Variants in SNX2 observed in about 807,000 individuals in gnomAD.
SNX2 encodes sorting nexin-2.
In SNX2, 25 loss-of-function variants were observed where a neutral mutation model predicts 69.9. The ratio of observed to expected loss-of-function variants is 0.36; its 90% CI spans 0.26 to 0.50. The LOEUF is 0.50. SNX2 is among the 20% of genes least tolerant of loss of function. The pLI is 0.97. For synonymous variants in SNX2, 229 were observed against 200.4 expected (o/e 1.14, Z -1.20); for missense variants, 551 against 613.3 (o/e 0.90, Z 1.07).
At chr5:122,806,142 G>GCGCACGCGCACACACACA in intron 6 of SNX2, among the ~76,000 whole-genome samples, 3,273 of 130,538 alleles carry the variant, frequency 0.025, 71 homozygotes, top group African/African-American at 0.051. Flanking sequence ...ACACGCGCGC[G>GCGCACGCGCACACACACA]CACACACACA....
At position 122,780,279 on chromosome 5, in the gene SNX2, C is replaced by T. The variant is rs565161840; in HGVS notation, c.108+5068C>T. 2.6e-5 allele frequency among the ~76,000 whole-genome samples: 4 copies of T among 152,140 alleles called. No homozygotes were observed. The East Asian group carries it at 5.8e-4, about 22-fold the overall frequency. On this transcript the variant is annotated intron_variant, in intron 1 of 14. Coordinates refer to ENST00000379516, the MANE Select transcript of SNX2 (RefSeq NM_003100.4). The stretch of plus-strand genomic sequence containing the variant: ...CAGAAGTCAATATAATAAATACAAT[C>T]GTGTGAATAAATACCTGCCATACCA...
intron 1 of SNX2, among the ~76,000 whole-genome samples, chr5:122,783,593 C>G (rs1404523507): frequency 1.3e-5 from 2 of 152,054 alleles, no homozygotes; most frequent in Non-Finnish European, 2.9e-5. Context: ...AATGAACTGA[C>G]CATATATATG....
At position 122,807,267 on chromosome 5, in the gene SNX2, AG is replaced by A. The variant is rs1416833272; in HGVS notation, c.644-1009del. 7.8e-3 allele frequency among the ~76,000 whole-genome samples: 1,194 copies of A among 152,106 alleles called. 15 individuals are homozygous for A. Among genetic ancestry groups the A allele is most frequent in the African/African-American group, 0.027 (1,134 of 41,436 alleles). On this transcript the variant is annotated intron_variant, in intron 6 of 14. Coordinates refer to ENST00000379516, the MANE Select transcript of SNX2 (RefSeq NM_003100.4). ...ACAGAGTGAGACCGTGTTTCGAAAAAGAAAAAAAAAAGGGTATCCAGTTCAC... is the reference window on the plus strand; with the variant it reads ...ACAGAGTGAGACCGTGTTTCGAAAAAAAAAAAAAAAGGGTATCCAGTTCAC...
chr5:122,781,588 A>G (rs1032776221), intron 1 of SNX2, among the ~76,000 whole-genome samples: 45 of 152,278 alleles, frequency 3.0e-4, no homozygotes, highest in African/African-American at 9.9e-4. Flanking sequence ...CTGCCAAACT[A>G]TTTTCAAAAG....
rs1190560600 is a variant in SNX2 at position 122,834,375 on chromosome 5, G to C, written c.*4727G>C. 3 of 152,118 alleles carry C rather than the reference G, an allele frequency of 2.0e-5. No homozygotes were observed. The highest frequency in any genetic ancestry group is 7.2e-5 in the African/African-American group (3 of 41,422). The allele number at this position is 152,118 out of a possible 1,614,324, so 9.4% of individuals were successfully genotyped here. On this transcript the variant is annotated 3_prime_UTR_variant, in exon 15 of 15. Coordinates refer to ENST00000379516, the MANE Select transcript of SNX2 (RefSeq NM_003100.4). Reference sequence around the variant, plus strand: ...AAGTATTTCTTAACTGGGCAAAATGGAAACTTTGTAACTGAAGCCAGTCAA... The same window carrying C: ...AAGTATTTCTTAACTGGGCAAAATGCAAACTTTGTAACTGAAGCCAGTCAA...
At chr5:122,797,589 G>A (rs1753412242) in intron 2 of SNX2, among the ~76,000 whole-genome samples, 1 of 152,144 alleles carries the variant, frequency 6.6e-6, no homozygotes, top group African/African-American at 2.4e-5. Context: ...ATAGGGAGCA[G>A]CGTATGTTAC....
chr5:122,827,250 T>C, intron 12 of SNX2, 129 bp from the exon 13 acceptor site: 1 of 691,704 alleles, frequency 1.4e-6, no homozygotes. Flanking sequence ...CTGTTGATGC[T>C]AAATTGTGCA....
At chr5:122,777,433 T>C (rs1032578510) in intron 1 of SNX2, among the ~76,000 whole-genome samples, 1 of 152,258 alleles carries the variant, frequency 6.6e-6, no homozygotes, top group Non-Finnish European at 1.5e-5. Flanking sequence ...CAGGCTTGAA[T>C]AGTTATTACC....
intron 12 of SNX2, chr5:122,826,589 G>A (rs113187535): frequency 3.1e-5 from 23 of 748,900 alleles, no homozygotes; most frequent in African/African-American, 2.7e-4. Context: ...TAGTGAATTT[G>A]TATAAGTTTA....
chr5:122,818,799 A>C lies in SNX2; in HGVS notation c.1007-19A>C, dbSNP rs371252983. The stretch of plus-strand genomic sequence containing the variant: ...TTATGAGTGAACACTAAAATTGCAT[A>C]CTTTTTTTTAAATTTCAGAACTTTC... On this transcript the variant is annotated intron_variant, in intron 10 of 14. Coordinates refer to ENST00000379516, the MANE Select transcript of SNX2 (RefSeq NM_003100.4). The C allele has an allele frequency of 4.1e-5, 65 of 1,601,322 alleles. 3 individuals are homozygous for C. The highest frequency in any genetic ancestry group is 2.0e-4 in the East Asian group (9 of 44,744).
At position 122,799,699 on chromosome 5, in the gene SNX2, A is replaced by G. The variant is rs1753466241; in HGVS notation, c.234A>G (p.Thr78=). 6.2e-7 allele frequency: 1 copy of G among 1,611,470 alleles called. No individual in the cohort carries two copies. ...DDREDLFAEA[T]EEVSLDSPER... ...TGTTTAATCTATGTCTAGAAGCCAC[A>G]GAAGAAGTTTCTTTGGACAGCCCTG... Residue 78 remains threonine, a synonymous_variant, in exon 3 of 15, where the codon ACA becomes ACG. Transcript: ENST00000379516.
At chr5:122,787,023 T>C (rs1753106334) in intron 1 of SNX2, among the ~76,000 whole-genome samples, 1 of 152,214 alleles carries the variant, frequency 6.6e-6, no homozygotes, top group Non-Finnish European at 1.5e-5. Flanking sequence ...CTTGGACAAC[T>C]GTAGTTCTGA....
At chr5:122,784,727 T>C (rs1162451320) in intron 1 of SNX2, among the ~76,000 whole-genome samples, 3 of 152,220 alleles carry the variant, frequency 2.0e-5, no homozygotes, top group Non-Finnish European at 2.9e-5. Context: ...TTGGTTTTCA[T>C]ATGAGAAATG....
chr5:122,799,664 TTAAC>T (rs1413096787), intron 2 of SNX2, 24 bp from the exon 3 acceptor site: 28 of 1,585,312 alleles, frequency 1.8e-5, no homozygotes, highest in Non-Finnish European at 2.1e-5. Flanking sequence ...GCCAGTGTTC[TTAAC>T]TAACTTGTTT....
chr5:122,821,895 C>T (rs1754034372), intron 11 of SNX2, among the ~76,000 whole-genome samples: 1 of 151,732 alleles, frequency 6.6e-6, no homozygotes, highest in South Asian at 2.1e-4. Flanking sequence ...AATTGCTGAC[C>T]AGAGGGTATA....
intron 1 of SNX2, among the ~76,000 whole-genome samples, chr5:122,788,768 C>CT (rs1267852194): frequency 3.3e-5 from 5 of 151,794 alleles, no homozygotes; most frequent in Admixed American, 2.6e-4. Flanking sequence ...TAGCAGCTTT[C>CT]TTTTTTTGCA....
rs553327984 is a variant in SNX2 at position 122,791,952 on chromosome 5, G to A, written c.109-3314G>A. Among the ~76,000 whole-genome samples, 5 of 152,286 alleles carry A rather than the reference G, an allele frequency of 3.3e-5. No homozygotes were observed. The South Asian group carries it at 1.0e-3, about 32-fold the overall frequency. ...GGTAAGAGAAATTATGACACAAGTA[G>A]GTACTCTATGGAAGTATATAGGCCA... is the stretch of plus-strand genomic sequence containing the variant. On this transcript the variant is annotated intron_variant, in intron 1 of 14. Coordinates refer to ENST00000379516, the MANE Select transcript of SNX2 (RefSeq NM_003100.4).
chr5:122,805,938 G>A (rs148104947), intron 6 of SNX2, among the ~76,000 whole-genome samples: 1,897 of 151,838 alleles, frequency 0.012, 41 homozygotes, highest in African/African-American at 0.044. Flanking sequence ...CCGCCACCAC[G>A]CACAGCTAAT....
chr5:122,776,455 T>C (rs1752858925), intron 1 of SNX2, among the ~76,000 whole-genome samples: 1 of 152,108 alleles, frequency 6.6e-6, no homozygotes, highest in South Asian at 2.1e-4. Context: ...GCAAAAGTAA[T>C]TGTGGTTTTT....
Sources: gnomAD v4.1 joint callset for allele counts (sites outside exome capture counted in the v4.1 genomes callset) on GRCh38, gnomAD v4.1.1 for gene constraint, MANE v1.5 for transcripts, NCBI Gene and HGNC (gene_info 2026-07-23, HGNC 2026-07-21) for gene names.